TSHZ2: variants seen among roughly 807,000 people sequenced by gnomAD.
The protein encoded by TSHZ2 is teashirt homolog 2.
TSHZ2 carries 21 observed loss-of-function variants against 74.4 expected under a neutral mutation model. The observed-to-expected ratio is 0.28, with a 90% confidence interval of 0.20 to 0.41. The LOEUF (loss-of-function observed/expected upper bound fraction) is 0.41. TSHZ2 is among the 10% of genes least tolerant of loss of function. The pLI, the probability that TSHZ2 is intolerant of heterozygous loss-of-function variation, is 1.00. For synonymous variants in TSHZ2, 540 were observed against 515.3 expected, an observed-to-expected ratio of 1.05 and a Z score of -0.65; for missense variants, 1,244 against 1,293.5, an observed-to-expected ratio of 0.96 and a Z score of 0.59.
intron 1 of TSHZ2, among the ~76,000 whole-genome samples, chr20:53,213,896 T>C (rs947766667): frequency 1.3e-5 from 2 of 152,178 alleles, no homozygotes; most frequent in Non-Finnish European, 2.9e-5. Flanking sequence ...CTTGGCTCCC[T>C]TGTCTGGAAG....
chr20:53,012,887 A>G (rs1186133409), intron 1 of TSHZ2, among the ~76,000 whole-genome samples: 2 of 152,138 alleles, frequency 1.3e-5, no homozygotes, highest in Non-Finnish European at 2.9e-5. Context: ...TAAAATTTCA[A>G]AAAAACGACC....
Position 53,255,527 on chromosome 20 carries a change from C to G in TSHZ2, c.2069C>G (p.Pro690Arg). The change falls in exon 2 of 3, where the codon CCA becomes CGA. Residue 690 changes from proline (P) to arginine (R), a missense_variant. This residue lies in a region of TSHZ2 where 562 missense variants were observed against 544.0 expected (regional missense o/e 1.03). Coordinates refer to ENST00000371497, the MANE Select transcript of TSHZ2 (RefSeq NM_173485.6). The surrounding 1 kb of genome is among the most constrained non-coding windows in gnomAD (Gnocchi z 4.1). ...CALANHAPALPCINPLSALQS... is the reference protein window; with the variant it reads ...CALANHAPALRCINPLSALQS... ...CTCGCCAACCACGCCCCGGCCCTGC[C>G]ATGCATCAACCCACTCAGCGCCCTG... The G allele has an allele frequency of 1.3e-6, 2 of 1,587,686 alleles. No homozygotes were observed. Among genetic ancestry groups the G allele is most frequent in the Non-Finnish European group, 8.6e-7 (1 of 1,169,042 alleles).
chr20:53,135,681 T>C (rs1987229322), intron 1 of TSHZ2, among the ~76,000 whole-genome samples: 1 of 152,128 alleles, frequency 6.6e-6, no homozygotes, highest in African/African-American at 2.4e-5. Context: ...GCTCACTGCA[T>C]CCTTGACCTC....
intron 1 of TSHZ2, among the ~76,000 whole-genome samples, chr20:53,195,458 G>A (rs1432291341): frequency 6.6e-6 from 1 of 152,098 alleles, no homozygotes; most frequent in African/African-American, 2.4e-5. Context: ...AAATATGAAC[G>A]TTCATCATCT....
chr20:53,184,095 T>G (rs758163049), intron 1 of TSHZ2, among the ~76,000 whole-genome samples: 3 of 152,220 alleles, frequency 2.0e-5, no homozygotes, highest in Non-Finnish European at 2.9e-5. Flanking sequence ...TTTGCCTTCA[T>G]CCTGCCATTT....
intron 2 of TSHZ2, among the ~76,000 whole-genome samples, chr20:53,274,488 A>AC (rs1990901557): frequency 6.6e-6 from 1 of 152,108 alleles, no homozygotes. Flanking sequence ...GGAGGAACAC[A>AC]TTGTCTTTTT....
intron 1 of TSHZ2, among the ~76,000 whole-genome samples, chr20:53,226,417 T>G (rs1989688333): frequency 6.6e-6 from 1 of 150,990 alleles, no homozygotes; most frequent in East Asian, 2.0e-4. Flanking sequence ...TGTCATGAAG[T>G]GTGTGGGTCG....
intron 1 of TSHZ2, among the ~76,000 whole-genome samples, chr20:53,201,203 T>A (rs944089314): frequency 1.3e-5 from 2 of 152,208 alleles, no homozygotes; most frequent in Non-Finnish European, 2.9e-5. Flanking sequence ...ATTGCTGATA[T>A]AACACATTAT....
At position 53,256,504 on chromosome 20, in the gene TSHZ2, A is replaced by G; in HGVS notation, c.3046A>G (p.Thr1016Ala). ...KHAVKLHLSK[T>A]HSKSPEHHSQ... ...TGCGGTAAAACTCCACCTAAGCAAA[A>G]CGCACAGCAAGTCACCCGAACACCA... Residue 1016 changes from threonine (T) to alanine (A), a missense_variant, in exon 2 of 3, where the codon ACG becomes GCG. Physicochemically the swap from Thr to Ala is moderately conservative, Grantham distance 58. Around this residue, in one of 6 missense-constraint regions of TSHZ2, gnomAD observed 185 missense variants for 213.3 expected, o/e 0.87. Transcript: ENST00000371497. The surrounding 1 kb of genome is among the most constrained non-coding windows in gnomAD (Gnocchi z 4.3). 2.5e-6 allele frequency: 4 copies of G among 1,612,552 alleles called. No individual in the cohort carries two copies. Among genetic ancestry groups the G allele is most frequent in the Non-Finnish European group, 3.4e-6 (4 of 1,178,892 alleles).
chr20:53,195,714 G>A (rs1988846248), intron 1 of TSHZ2, among the ~76,000 whole-genome samples: 1 of 152,134 alleles, frequency 6.6e-6, no homozygotes, highest in Non-Finnish European at 1.5e-5. Context: ...TATCTTTCTT[G>A]GAAAGAGCAC....
At chr20:53,124,966 A>C (rs1986907561) in intron 1 of TSHZ2, among the ~76,000 whole-genome samples, 1 of 152,250 alleles carries the variant, frequency 6.6e-6, no homozygotes. Flanking sequence ...GTAGCCATAG[A>C]TAATTTGTAA....
At chr20:53,339,155 T>C (rs1460148825) in intron 2 of TSHZ2, among the ~76,000 whole-genome samples, 6 of 152,214 alleles carry the variant, frequency 3.9e-5, no homozygotes, top group Admixed American at 6.5e-5. Context: ...TAACATTCTC[T>C]TATTTTCTTC....
chr20:53,289,984 T>C (rs1417792368), intron 2 of TSHZ2, among the ~76,000 whole-genome samples: 1 of 152,242 alleles, frequency 6.6e-6, no homozygotes, highest in East Asian at 1.9e-4. Flanking sequence ...TGAAGAGTTG[T>C]AAATGGCCTG....
intron 1 of TSHZ2, among the ~76,000 whole-genome samples, chr20:53,009,029 C>G (rs1044176057): frequency 9.1e-5 from 12 of 131,956 alleles, no homozygotes; most frequent in African/African-American, 3.3e-4. Flanking sequence ...CTCTCTCTCT[C>G]TCAAAATATC....
At chr20:53,040,585 T>C (rs923002610) in intron 1 of TSHZ2, among the ~76,000 whole-genome samples, 5 of 143,220 alleles carry the variant, frequency 3.5e-5, no homozygotes, top group African/African-American at 1.3e-4. Context: ...CATTGCTGCA[T>C]CTGTCCCTGG....
chr20:53,271,890 G>T (rs1185382641), intron 2 of TSHZ2, among the ~76,000 whole-genome samples: 1 of 152,194 alleles, frequency 6.6e-6, no homozygotes, highest in Non-Finnish European at 1.5e-5. Context: ...CTCCTTGGGT[G>T]CACAAACTTT....
intron 1 of TSHZ2, among the ~76,000 whole-genome samples, chr20:52,979,246 C>A (rs575739992): frequency 2.4e-4 from 36 of 151,836 alleles, no homozygotes; most frequent in Non-Finnish European, 4.0e-4. Context: ...CTGAGAAGAA[C>A]GTTTAGAGAT....
chr20:53,308,121 T>C (rs1481097453), intron 2 of TSHZ2, among the ~76,000 whole-genome samples: 1 of 152,190 alleles, frequency 6.6e-6, no homozygotes, highest in Non-Finnish European at 1.5e-5. Context: ...GGCGTTTGCA[T>C]AGTAAATATT....
At chr20:53,004,379 A>G (rs1453184957) in intron 1 of TSHZ2, among the ~76,000 whole-genome samples, 1 of 152,200 alleles carries the variant, frequency 6.6e-6, no homozygotes, top group African/African-American at 2.4e-5. Flanking sequence ...GAAATCGGTC[A>G]AGCTTCCTGA....
Sources: allele counts gnomAD v4.1 joint callset (sites outside exome capture counted in the v4.1 genomes callset), GRCh38; gene constraint gnomAD v4.1.1; regional missense constraint gnomAD v4.1.1; non-coding constraint Gnocchi (gnomAD v3.1); transcripts MANE v1.5; gene names NCBI Gene and HGNC (gene_info 2026-07-23, HGNC 2026-07-21).